Variants in FOXP2 observed in about 807,000 individuals in gnomAD.
The protein encoded by FOXP2 is forkhead box P2.
A neutral mutation model predicts 115.8 loss-of-function variants in FOXP2; 12 were observed. The observed-to-expected ratio is 0.10, with a 90% CI of 0.07 to 0.17. The LOEUF is 0.17. FOXP2 is among the 10% of genes least tolerant of loss of function. FOXP2 has a pLI of 1.00. For synonymous variants in FOXP2, 328 were observed against 297.7 expected, an observed-to-expected ratio of 1.10 and a Z score of -1.05; for missense variants, 629 against 843.5, an observed-to-expected ratio of 0.75 and a Z score of 3.15.
chr7:114,637,018 A>G (rs1805258715), intron 6 of FOXP2, among the ~76,000 whole-genome samples: 1 of 152,096 alleles, frequency 6.6e-6, no homozygotes, highest in Non-Finnish European at 1.5e-5. Flanking sequence ...TACAAAAAAT[A>G]AAATAATTAG....
intron 2 of FOXP2, among the ~76,000 whole-genome samples, chr7:114,372,787 C>G (rs1417631133): frequency 1.3e-5 from 2 of 151,850 alleles, no homozygotes; most frequent in East Asian, 3.9e-4. Context: ...CTGTTCTCGA[C>G]AAGTAAATAA....
intron 1 of FOXP2, among the ~76,000 whole-genome samples, chr7:114,152,664 A>C (rs559304764): frequency 6.6e-6 from 1 of 152,184 alleles, no homozygotes; most frequent in South Asian, 2.1e-4. Flanking sequence ...TGTGTAGTCA[A>C]GGGAGGTTGC....
chr7:114,686,753 T>C (rs1208650073), intron 16 of FOXP2, among the ~76,000 whole-genome samples: 1 of 152,174 alleles, frequency 6.6e-6, no homozygotes, highest in African/African-American at 2.4e-5. Flanking sequence ...AAAAATTTTG[T>C]GTGTATCAAA....
intron 2 of FOXP2, among the ~76,000 whole-genome samples, chr7:114,360,093 A>G (rs764603057): frequency 1.3e-5 from 2 of 152,116 alleles, no homozygotes; most frequent in African/African-American, 4.8e-5. Context: ...ATTGAATTAC[A>G]GGGATGGGTT....
intron 1 of FOXP2, among the ~76,000 whole-genome samples, chr7:114,116,118 G>C (rs559824311): frequency 4.0e-4 from 61 of 152,202 alleles, no homozygotes; most frequent in African/African-American, 1.4e-3. Context: ...GTAAAACCTG[G>C]ATAGTGTGAG....
chr7:114,328,032 C>T (rs1376346470), intron 2 of FOXP2, among the ~76,000 whole-genome samples: 2 of 151,062 alleles, frequency 1.3e-5, no homozygotes, highest in African/African-American at 4.9e-5. Context: ...TCAATCCCCC[C>T]ACCTCAGCCT....
At chr7:114,603,487 T>C (rs954920576) in intron 3 of FOXP2, among the ~76,000 whole-genome samples, 1 of 152,224 alleles carries the variant, frequency 6.6e-6, no homozygotes, top group Non-Finnish European at 1.5e-5. Context: ...AATTAATTGG[T>C]AGCAGAGTTT....
chr7:114,449,482 G>A (rs545842979), intron 2 of FOXP2, among the ~76,000 whole-genome samples: 60 of 152,020 alleles, frequency 3.9e-4, no homozygotes, highest in Admixed American at 3.3e-4. Flanking sequence ...CATTAAGACC[G>A]TTTTTTTCTG....
chr7:114,611,067 G>A (rs973243505), intron 3 of FOXP2, among the ~76,000 whole-genome samples: 11 of 152,158 alleles, frequency 7.2e-5, no homozygotes, highest in Admixed American at 6.6e-4. Flanking sequence ...CCGTATCTTT[G>A]TGTATCTATA....
chr7:114,236,594 A>G (rs1795011964), intron 1 of FOXP2, among the ~76,000 whole-genome samples: 2 of 152,262 alleles, frequency 1.3e-5, no homozygotes, highest in Non-Finnish European at 2.9e-5. Context: ...GCAGAAAAGA[A>G]TAGTTATTCA....
At chr7:114,382,847 T>C (rs1166690847) in intron 2 of FOXP2, among the ~76,000 whole-genome samples, 1 of 152,210 alleles carries the variant, frequency 6.6e-6, no homozygotes, top group Non-Finnish European at 1.5e-5. Flanking sequence ...AGAAAGGCAG[T>C]AGAATTTTCT....
rs1806423101 is a variant in FOXP2 at position 114,653,843 on chromosome 7, C to T, written c.1183-83C>T. On this transcript the variant is annotated intron_variant, in intron 9 of 16. Transcript: ENST00000350908. Reference sequence around the variant, plus strand: ...GCAGGAATCATTATTCTGAGGCAAGCTCAATGATAAGATGTATCACTGCAA... The same window carrying T: ...GCAGGAATCATTATTCTGAGGCAAGTTCAATGATAAGATGTATCACTGCAA... The T allele has an allele frequency of 1.2e-5, 17 of 1,365,784 alleles. No individual in the cohort carries two copies. The South Asian group carries it at 1.7e-4, about 14-fold the overall frequency. The allele number at this position is 1,365,784 out of a possible 1,614,324, so 84.6% of individuals were successfully genotyped here. A position where few individuals can be genotyped will look rare whatever the true frequency, so the allele number is the denominator to read the frequency against.
At chr7:114,196,307 G>T (rs953416246) in intron 1 of FOXP2, among the ~76,000 whole-genome samples, 1 of 152,132 alleles carries the variant, frequency 6.6e-6, no homozygotes, top group Non-Finnish European at 1.5e-5. Context: ...ACCACGCCCA[G>T]CCTAAAAATT....
chr7:114,612,378 C>T (rs1334257392), intron 3 of FOXP2, among the ~76,000 whole-genome samples: 1 of 151,744 alleles, frequency 6.6e-6, no homozygotes, highest in Non-Finnish European at 1.5e-5. Context: ...ATACTATATA[C>T]ACACACACAT....
Position 114,693,368 on chromosome 7 carries a change from T to TA in FOXP2, c.*3444dup. ...CACTTACATAAACCATCCTGGACTT[T>TA]AATGTCCCTGGGCAGATTCAGTCGC... On this transcript the variant is annotated 3_prime_UTR_variant, in exon 17 of 17. Coordinates refer to ENST00000350908, the MANE Select transcript of FOXP2 (RefSeq NM_014491.4). 2.2e-6 allele frequency: 1 copy of TA among 453,878 alleles called. No homozygotes were observed. Among genetic ancestry groups the TA allele is most frequent in the South Asian group, 1.6e-5 (1 of 64,456 alleles). The allele number at this position is 453,878 out of a possible 1,614,324, so 28.1% of individuals were successfully genotyped here.
chr7:114,426,595 T>C lies in FOXP2; in HGVS notation c.84T>C (p.Asp28=), dbSNP rs768582806. Residue 28 remains aspartate (D), a synonymous_variant, in exon 2 of 17, where the codon GAT becomes GAC. Transcript: ENST00000350908. ...TGAGCACTCTAAGCAGCCAATTAGA[T>C]GCTGGCAGCAGAGATGGAAGATCAA... The part of the protein sequence containing the change: ...NGMSTLSSQL[D]AGSRDGRSSG... The C allele has an allele frequency of 6.2e-7, 1 of 1,611,772 alleles. No homozygotes were observed.
intron 1 of FOXP2, among the ~76,000 whole-genome samples, chr7:114,259,869 C>T (rs1202224431): frequency 1.3e-5 from 2 of 151,976 alleles, no homozygotes; most frequent in Non-Finnish European, 2.9e-5. Flanking sequence ...ACAAATTCTT[C>T]CCATCCTTGA....
At chr7:114,125,283 A>G (rs1791678460) in intron 1 of FOXP2, among the ~76,000 whole-genome samples, 1 of 152,188 alleles carries the variant, frequency 6.6e-6, no homozygotes, top group Non-Finnish European at 1.5e-5. Context: ...TATATAGTCA[A>G]TAGTTAAAGA....
chr7:114,248,655 AT>A (rs985728689), intron 1 of FOXP2, among the ~76,000 whole-genome samples: 2 of 152,084 alleles, frequency 1.3e-5, no homozygotes, highest in South Asian at 2.1e-4. Flanking sequence ...GAGTAAGCTT[AT>A]TTTTTAGTTT....
Sources: gnomAD v4.1 joint callset for allele counts (sites outside exome capture counted in the v4.1 genomes callset) on GRCh38, gnomAD v4.1.1 for gene constraint, MANE v1.5 for transcripts, NCBI Gene and HGNC (gene_info 2026-07-23, HGNC 2026-07-21) for gene names.